Variants in SAMD4A observed in about 807,000 individuals in gnomAD.
SAMD4A encodes sterile alpha motif domain containing 4A.
Under a neutral mutation model 81.3 loss-of-function variants are expected in SAMD4A, and 33 were observed. That is an observed-to-expected ratio of 0.41 (90% CI 0.31 to 0.54). The LOEUF is 0.54. SAMD4A is among the 20% of genes least tolerant of loss of function. The probability of loss-of-function intolerance (pLI) is 0.37; values close to 1 mark genes in which losing one functional copy is unlikely to be tolerated. For missense variants in SAMD4A, 854 were observed against 951.1 expected (o/e 0.90, Z 1.34); for synonymous variants, 389 against 382.1 (o/e 1.02, Z -0.21).
intron 7 of SAMD4A, 129 bp from the exon 8 acceptor site, chr14:54,764,326 G>A: frequency 4.5e-6 from 3 of 673,040 alleles, no homozygotes; most frequent in South Asian, 2.1e-5. Flanking sequence ...GGCCTTTTTT[G>A]TGAGCCTTAC....
Position 54,699,281 on chromosome 14 carries a change from C to T in SAMD4A, c.197-2781C>T. Reference sequence around the variant, plus strand: ...GTTAGAATTGGAATTTTCTTTGCCTCTCAGCGCTACTTTAAAAGGGAGGCT... The same window carrying T: ...GTTAGAATTGGAATTTTCTTTGCCTTTCAGCGCTACTTTAAAAGGGAGGCT... On this transcript the variant is annotated intron_variant, in intron 2 of 12. Transcript: ENST00000554335. 1.3e-5 allele frequency among the ~76,000 whole-genome samples: 2 copies of T among 152,184 alleles called. 1 individual carries two copies. The highest frequency in any genetic ancestry group is 3.8e-4 in the East Asian group (2 of 5,196).
intron 2 of SAMD4A, among the ~76,000 whole-genome samples, chr14:54,608,589 A>G (rs1244282922): frequency 6.6e-6 from 1 of 152,210 alleles, no homozygotes; most frequent in Non-Finnish European, 1.5e-5. Flanking sequence ...CTAATACTGG[A>G]CATGCTGTGC....
intron 9 of SAMD4A, among the ~76,000 whole-genome samples, chr14:54,772,392 G>A (rs1242843944): frequency 9.9e-5 from 15 of 152,172 alleles, no homozygotes; most frequent in Non-Finnish European, 4.4e-5. Flanking sequence ...GCCAGCAGTG[G>A]CAACCCTCTG....
chr14:54,601,970 A>T (rs1330377425), intron 2 of SAMD4A, among the ~76,000 whole-genome samples: 3 of 152,232 alleles, frequency 2.0e-5, no homozygotes, highest in Admixed American at 6.5e-5. Flanking sequence ...GGCATCTGGC[A>T]ACCATGTTGG....
chr14:54,646,673 T>A (rs1291310557), intron 2 of SAMD4A, among the ~76,000 whole-genome samples: 2 of 152,258 alleles, frequency 1.3e-5, no homozygotes, highest in Non-Finnish European at 2.9e-5. Flanking sequence ...ATGCTCCAAA[T>A]GTGTGGACTG....
intron 2 of SAMD4A, among the ~76,000 whole-genome samples, chr14:54,598,703 A>G (rs991386180): frequency 6.6e-6 from 1 of 152,226 alleles, no homozygotes; most frequent in Non-Finnish European, 1.5e-5. Context: ...AAAAAACAAA[A>G]GTCAGAAAAT....
At position 54,567,971 on chromosome 14, in the gene SAMD4A, G is replaced by A. The variant is rs928145636; in HGVS notation, c.55G>A (p.Glu19Lys). The stretch of plus-strand genomic sequence containing the variant: ...GGCGGGCTGGTTTAAGGGCTGGAAC[G>A]AGTGCGAGCAGACTGTTGCGCTGCT... ...VLAGWFKGWN[E>K]CEQTVALLSL... The change falls in exon 2 of 13, where the codon GAG becomes AAG. Residue 19 changes from glutamate to lysine, a missense_variant. Around this residue, in one of 3 missense-constraint regions of SAMD4A, gnomAD observed 387 missense variants for 405.8 expected, o/e 0.95. Transcript: ENST00000554335. The A allele has an allele frequency of 6.2e-7, 1 of 1,610,570 alleles. No homozygotes were observed. The highest frequency in any genetic ancestry group is 8.5e-7 in the Non-Finnish European group (1 of 1,179,594).
chr14:54,762,061 A>C (rs577761323), intron 7 of SAMD4A, among the ~76,000 whole-genome samples: 1 of 152,340 alleles, frequency 6.6e-6, no homozygotes, highest in South Asian at 2.1e-4. Flanking sequence ...GCCTTCCCAC[A>C]GACCATCCAA....
chr14:54,572,796 A>G (rs1368128690), intron 2 of SAMD4A, among the ~76,000 whole-genome samples: 1 of 152,226 alleles, frequency 6.6e-6, no homozygotes, highest in Non-Finnish European at 1.5e-5. Context: ...GATCTATTCT[A>G]TCCCTCAGGT....
intron 3 of SAMD4A, among the ~76,000 whole-genome samples, chr14:54,730,271 C>T (rs985319156): frequency 2.1e-4 from 32 of 152,154 alleles, no homozygotes; most frequent in Admixed American, 1.2e-3. Flanking sequence ...TGAATAAAAA[C>T]GAGATGTCAT....
In SAMD4A at chr14:54,675,314, C is replaced by T. The variant is rs141361515; in HGVS notation, c.197-26748C>T. 7.8e-3 allele frequency among the ~76,000 whole-genome samples: 1,076 copies of T among 138,550 alleles called. 12 individuals carry two copies. Among genetic ancestry groups the T allele is most frequent in the African/African-American group, 0.027 (1,009 of 37,898 alleles). The allele number at this position is 138,550 out of a possible 152,430, so 90.9% of individuals were successfully genotyped here. ...CTAGGAGGTGGAGGTTGCAGTGAGC[C>T]GAGATTGTGCCATTGCACTCTAGCC... On this transcript the variant is annotated intron_variant, in intron 2 of 12. Coordinates refer to ENST00000554335, the MANE Select transcript of SAMD4A (RefSeq NM_015589.6).
chr14:54,777,699 G>A (rs990629444), intron 11 of SAMD4A, among the ~76,000 whole-genome samples: 10 of 152,176 alleles, frequency 6.6e-5, no homozygotes, highest in South Asian at 4.2e-4. Context: ...GAATTGGGAG[G>A]TCAGGGAGGA....
intron 2 of SAMD4A, among the ~76,000 whole-genome samples, chr14:54,632,269 T>C (rs1594754799): frequency 1.3e-5 from 2 of 152,332 alleles, no homozygotes; most frequent in Admixed American, 1.3e-4. Flanking sequence ...GTACCCTTTT[T>C]CCTTTTGGAA....
At chr14:54,675,307 A>G (rs1416632714) in intron 2 of SAMD4A, among the ~76,000 whole-genome samples, 2 of 140,290 alleles carry the variant, frequency 1.4e-5, no homozygotes, top group East Asian at 4.6e-4. Flanking sequence ...TGGAGGTTGC[A>G]GTGAGCCGAG....
intron 3 of SAMD4A, among the ~76,000 whole-genome samples, chr14:54,723,245 C>T (rs1045572449): frequency 9.2e-5 from 14 of 152,056 alleles, no homozygotes; most frequent in African/African-American, 2.7e-4. Context: ...ACAGCAGAAC[C>T]GTAAGCTTTG....
intron 2 of SAMD4A, among the ~76,000 whole-genome samples, chr14:54,571,727 C>G (rs142923111): frequency 2.4e-3 from 368 of 152,270 alleles, no homozygotes; most frequent in African/African-American, 8.3e-3. Flanking sequence ...CTTGAAGACT[C>G]TCTCTCAGAA....
At chr14:54,573,906 G>C (rs1245136673) in intron 2 of SAMD4A, among the ~76,000 whole-genome samples, 1 of 152,224 alleles carries the variant, frequency 6.6e-6, no homozygotes, top group Non-Finnish European at 1.5e-5. Flanking sequence ...GGATTCCCTG[G>C]AACCCGGAAG....
chr14:54,652,467 G>A (rs553618398), intron 2 of SAMD4A, among the ~76,000 whole-genome samples: 6 of 152,326 alleles, frequency 3.9e-5, no homozygotes, highest in Admixed American at 2.6e-4. Context: ...TAGGACTGGG[G>A]CGGGGAGCTG....
intron 11 of SAMD4A, 69 bp from the exon 12 acceptor site, chr14:54,784,468 G>C (rs1481873728): frequency 6.2e-7 from 1 of 1,612,644 alleles, no homozygotes; most frequent in Admixed American, 1.7e-5. Flanking sequence ...CCTTTCTCCT[G>C]AAGGTGGAAC....
Sources: allele counts gnomAD v4.1 joint callset (sites outside exome capture counted in the v4.1 genomes callset), GRCh38; gene constraint gnomAD v4.1.1; regional missense constraint gnomAD v4.1.1; transcripts MANE v1.5; gene names NCBI Gene and HGNC (gene_info 2026-07-23, HGNC 2026-07-21).